The following RBFOX1 variants were observed in gnomAD, a reference collection of about 807,000 sequenced individuals.
RBFOX1 encodes RNA binding protein fox-1 homolog 1.
In RBFOX1, 8 loss-of-function variants were observed where a neutral mutation model predicts 57.7. The observed-to-expected ratio is 0.14, with a 90% confidence interval of 0.08 to 0.25. The LOEUF is 0.25. Among genes scored for constraint, RBFOX1 ranks in the 10% least tolerant of loss-of-function variants. The pLI, the probability that RBFOX1 is intolerant of heterozygous loss-of-function variation, is 1.00. For synonymous variants in RBFOX1, 326 were observed against 222.4 expected, an observed-to-expected ratio of 1.47 and a Z score of -4.15; for missense variants, 611 against 548.5, an observed-to-expected ratio of 1.11 and a Z score of -1.14.
chr16:5,856,175 C>CTA (rs1371204261), intron 3 of RBFOX1, among the ~76,000 whole-genome samples: 2 of 57,736 alleles, frequency 3.5e-5, no homozygotes, highest in Non-Finnish European at 6.7e-5. Flanking sequence ...CTCTCTCTCT[C>CTA]TCTCTCTCTC....
chr16:7,575,381 G>C (rs568279009), intron 5 of RBFOX1, among the ~76,000 whole-genome samples: 3 of 151,992 alleles, frequency 2.0e-5, no homozygotes, highest in Admixed American at 6.6e-5. Context: ...GATCTGCCCC[G>C]CTCAGCCTCC....
At chr16:6,166,518 A>G (rs1350675454) in intron 1 of RBFOX1, among the ~76,000 whole-genome samples, 3 of 151,398 alleles carry the variant, frequency 2.0e-5, no homozygotes, top group South Asian at 2.1e-4. Context: ...TTCTTTTTCC[A>G]TGTTGGTTTC....
chr16:6,937,677 C>T (rs944401800), intron 3 of RBFOX1, among the ~76,000 whole-genome samples: 3 of 151,878 alleles, frequency 2.0e-5, no homozygotes, highest in Non-Finnish European at 2.9e-5. Flanking sequence ...TGGGCTTCCA[C>T]GTTATTGGCA....
At chr16:7,461,253 C>T (rs1407270917) in intron 4 of RBFOX1, among the ~76,000 whole-genome samples, 5 of 151,956 alleles carry the variant, frequency 3.3e-5, no homozygotes, top group African/African-American at 4.8e-5. Context: ...CTGCAACCTC[C>T]ACCTCCCAGG....
intron 3 of RBFOX1, among the ~76,000 whole-genome samples, chr16:5,856,786 G>T (rs1011210254): frequency 3.3e-5 from 5 of 151,304 alleles, no homozygotes; most frequent in African/African-American, 1.2e-4. Context: ...AAGAGAGTTA[G>T]GGTCTTGCTC....
chr16:6,685,046 T>C (rs2154126233), intron 3 of RBFOX1, among the ~76,000 whole-genome samples: 1 of 152,274 alleles, frequency 6.6e-6, no homozygotes, highest in African/African-American at 2.4e-5. Flanking sequence ...GGCTGCAGGA[T>C]GACTGAAAAT....
At chr16:5,883,514 G>A (rs918374325) in intron 4 of RBFOX1, among the ~76,000 whole-genome samples, 6 of 106,184 alleles carry the variant, frequency 5.7e-5, no homozygotes, top group African/African-American at 2.3e-4. Flanking sequence ...TCCCAGATAC[G>A]GGTGGCAAAC....
chr16:5,599,518 C>A, exon 3 of RBFOX1: 1 of 410,894 alleles, frequency 2.4e-6, no homozygotes, highest in East Asian at 4.2e-5. Flanking sequence ...TCTGAAATCA[C>A]TCATGCACCG....
chr16:6,731,627 A>G (rs1216739346), intron 3 of RBFOX1, among the ~76,000 whole-genome samples: 2 of 152,078 alleles, frequency 1.3e-5, no homozygotes, highest in African/African-American at 4.8e-5. Flanking sequence ...TGGGAGCTGG[A>G]GTGTAAACAC....
At chr16:7,309,081 G>C (rs1383906522) in intron 4 of RBFOX1, among the ~76,000 whole-genome samples, 1 of 152,236 alleles carries the variant, frequency 6.6e-6, no homozygotes, top group Non-Finnish European at 1.5e-5. Context: ...AGGAATTTAA[G>C]TGGCTGGAAT....
At chr16:5,466,309 C>T (rs1195404750) in intron 1 of RBFOX1, among the ~76,000 whole-genome samples, 6 of 152,134 alleles carry the variant, frequency 3.9e-5, no homozygotes, top group African/African-American at 7.2e-5. Flanking sequence ...CCTTCCTGTG[C>T]AAGCAACTGA....
chr16:6,786,932 C>CT (rs2082064781), intron 3 of RBFOX1, among the ~76,000 whole-genome samples: 1 of 151,924 alleles, frequency 6.6e-6, no homozygotes. Flanking sequence ...CTTATTGACT[C>CT]TTAGGGACCT....
At chr16:6,955,859 C>A (rs1232472353) in intron 3 of RBFOX1, among the ~76,000 whole-genome samples, 3 of 152,012 alleles carry the variant, frequency 2.0e-5, no homozygotes, top group African/African-American at 4.8e-5. Context: ...ATGCATGCCA[C>A]CATGCTCAGC....
chr16:7,190,137 G>A (rs919139808), intron 4 of RBFOX1, among the ~76,000 whole-genome samples: 2 of 152,178 alleles, frequency 1.3e-5, no homozygotes, highest in South Asian at 4.1e-4. Context: ...AAGGCGGGCA[G>A]ATTGTTCTAG....
At chr16:5,306,616 T>C (rs1398939460) in intron 1 of RBFOX1, among the ~76,000 whole-genome samples, 2 of 152,178 alleles carry the variant, frequency 1.3e-5, no homozygotes, top group African/African-American at 4.8e-5. Context: ...CGGGGTCTTG[T>C]AGAATTCTGA....
chr16:5,630,500 A>C (rs755517888), intron 3 of RBFOX1, among the ~76,000 whole-genome samples: 2 of 152,134 alleles, frequency 1.3e-5, no homozygotes, highest in Non-Finnish European at 2.9e-5. Context: ...GGGACCTTAG[A>C]CATCAGATGT....
intron 3 of RBFOX1, among the ~76,000 whole-genome samples, chr16:6,696,252 G>C (rs1191450846): frequency 3.3e-5 from 5 of 152,072 alleles, no homozygotes; most frequent in African/African-American, 4.8e-5. Context: ...CACTATTACA[G>C]GCACATAATT....
At chr16:7,308,783 T>A (rs987466467) in intron 4 of RBFOX1, among the ~76,000 whole-genome samples, 8 of 152,216 alleles carry the variant, frequency 5.3e-5, no homozygotes, top group Non-Finnish European at 1.2e-4. Context: ...GCTGCAGGCG[T>A]TGGGGAGGGT....
intron 2 of RBFOX1, among the ~76,000 whole-genome samples, chr16:6,364,889 G>A (rs1048894709): frequency 8.5e-5 from 13 of 152,262 alleles, no homozygotes; most frequent in South Asian, 6.2e-4. Context: ...TAGACTGGGC[G>A]AGGGGCAGGG....
Sources: gnomAD v4.1 joint callset for allele counts (sites outside exome capture counted in the v4.1 genomes callset) on GRCh38, gnomAD v4.1.1 for gene constraint, MANE v1.5 for transcripts, NCBI Gene and HGNC (gene_info 2026-07-23, HGNC 2026-07-21) for gene names.